SPMIP4: variants seen among roughly 807,000 people sequenced by gnomAD.
SPMIP4 encodes the protein sperm-associated microtubule inner protein 4.
the SPMIP4 span, chr7:25,179,599 T>C: frequency 3.6e-6 from 1 of 280,664 alleles, no homozygotes; most frequent in Non-Finnish European, 6.6e-6. Context: ...CGCTACTTTG[T>C]GGCCATCAAC....
the SPMIP4 span, among the ~76,000 whole-genome samples, chr7:25,151,267 G>A: frequency 6.7e-6 from 1 of 150,088 alleles, no homozygotes; most frequent in African/African-American, 2.5e-5. Flanking sequence ...TGTTGCTCAG[G>A]CTGGAGTGCA....
the SPMIP4 span, among the ~76,000 whole-genome samples, chr7:25,178,958 C>G: frequency 6.6e-6 from 1 of 152,086 alleles, no homozygotes; most frequent in Non-Finnish European, 1.5e-5. Flanking sequence ...GGAGAATCAC[C>G]TGAACCTGGG....
At chr7:25,162,939 T>C in the SPMIP4 span, among the ~76,000 whole-genome samples, 3 of 152,156 alleles carry the variant, frequency 2.0e-5, no homozygotes, top group African/African-American at 4.8e-5. Context: ...GCCCGGCTAA[T>C]TTCTGTAGAG....
the SPMIP4 span, among the ~76,000 whole-genome samples, chr7:25,133,738 C>G: frequency 6.6e-6 from 1 of 152,158 alleles, no homozygotes; most frequent in Non-Finnish European, 1.5e-5. Context: ...CCTCTGTGAA[C>G]AGTGTACTCT....
At chr7:25,177,037 A>G in the SPMIP4 span, among the ~76,000 whole-genome samples, 3 of 152,262 alleles carry the variant, frequency 2.0e-5, no homozygotes, top group Non-Finnish European at 4.4e-5. Flanking sequence ...ACTATTCTGC[A>G]TAGCTTCAGA....
chr7:25,179,257 C>T, the SPMIP4 span: 1 of 1,613,718 alleles, frequency 6.2e-7, no homozygotes, highest in East Asian at 2.2e-5. Flanking sequence ...GACAGTATGT[C>T]AGCTCCTTCA....
chr7:25,131,441 C>T, the SPMIP4 span, among the ~76,000 whole-genome samples: 1 of 152,244 alleles, frequency 6.6e-6, no homozygotes, highest in Admixed American at 6.5e-5. The surrounding 1 kb of genome is among the most constrained non-coding windows in gnomAD (Gnocchi z 4.2). Flanking sequence ...AAACTGGTTC[C>T]TGATGCCAGA....
the SPMIP4 span, chr7:25,136,558 TC>T: frequency 3.1e-6 from 5 of 1,614,088 alleles, no homozygotes; most frequent in Non-Finnish European, 4.2e-6. The surrounding 1 kb of genome is among the most constrained non-coding windows in gnomAD (Gnocchi z 5.7). Flanking sequence ...GATCTTCTCT[TC>T]AATATCCTGG....
At chr7:25,148,423 T>C in the SPMIP4 span, among the ~76,000 whole-genome samples, 28 of 151,438 alleles carry the variant, frequency 1.8e-4, no homozygotes, top group African/African-American at 6.3e-4. Context: ...CACTCCAGCC[T>C]GGTGTTAAAT....
At chr7:25,157,743 G>A in the SPMIP4 span, among the ~76,000 whole-genome samples, 6 of 152,136 alleles carry the variant, frequency 3.9e-5, no homozygotes, top group African/African-American at 1.2e-4. Flanking sequence ...AATGTAATGC[G>A]GTACTCTGGA....
At chr7:25,178,710 A>G in the SPMIP4 span, among the ~76,000 whole-genome samples, 1 of 152,148 alleles carries the variant, frequency 6.6e-6, no homozygotes, top group South Asian at 2.1e-4. Context: ...AGGTTCAGAT[A>G]ATTGCCACGT....
the SPMIP4 span, among the ~76,000 whole-genome samples, chr7:25,126,195 TTA>T: frequency 4.9e-4 from 75 of 152,200 alleles, no homozygotes; most frequent in African/African-American, 1.6e-3. Context: ...AATTATACTT[TTA>T]GTTTGTTTAA....
At chr7:25,145,923 A>G in the SPMIP4 span, among the ~76,000 whole-genome samples, 1 of 142,302 alleles carries the variant, frequency 7.0e-6, no homozygotes, top group African/African-American at 2.8e-5. Flanking sequence ...AAGCAAATAT[A>G]GTTTTTTTTT....
At chr7:25,142,204 C>T in the SPMIP4 span, 5 of 1,487,256 alleles carry the variant, frequency 3.4e-6, no homozygotes, top group African/African-American at 1.4e-5. Context: ...CCAGCACTCT[C>T]CCCCAAAATA....
chr7:25,162,267 T>A, the SPMIP4 span, among the ~76,000 whole-genome samples: 2 of 43,778 alleles, frequency 4.6e-5, no homozygotes, highest in African/African-American at 1.1e-4. Flanking sequence ...TGAAACTCTG[T>A]CTCAAAAAAA....
At chr7:25,147,782 G>T in the SPMIP4 span, among the ~76,000 whole-genome samples, 1 of 152,104 alleles carries the variant, frequency 6.6e-6, no homozygotes, top group Non-Finnish European at 1.5e-5. Flanking sequence ...ATGAACTTAC[G>T]ATGTACCAAT....
At chr7:25,174,108 T>A in the SPMIP4 span, among the ~76,000 whole-genome samples, 2 of 152,210 alleles carry the variant, frequency 1.3e-5, no homozygotes, top group African/African-American at 4.8e-5. This position sits in a 1 kb window ranked among gnomAD's most constrained non-coding sequence, Gnocchi z 4.5. Flanking sequence ...TAAACATTTT[T>A]AAAAAATGAT....
chr7:25,144,386 G>A, the SPMIP4 span, among the ~76,000 whole-genome samples: 3 of 152,210 alleles, frequency 2.0e-5, no homozygotes, highest in East Asian at 5.8e-4. Context: ...GCCAGCCGCT[G>A]GCCCCTGGCC....
chr7:25,140,797 G>T, the SPMIP4 span, among the ~76,000 whole-genome samples: 5 of 151,546 alleles, frequency 3.3e-5, no homozygotes, highest in East Asian at 9.6e-4. Context: ...ATGTTGGCCA[G>T]GCTGGTCTCG....
Sources: allele counts gnomAD v4.1 joint callset (sites outside exome capture counted in the v4.1 genomes callset), GRCh38; gene constraint gnomAD v4.1.1; non-coding constraint Gnocchi (gnomAD v3.1); transcripts MANE v1.5; gene names NCBI Gene and HGNC (gene_info 2026-07-23, HGNC 2026-07-21).